LRP8: variants seen among roughly 807,000 people sequenced by gnomAD.
The protein encoded by LRP8 is LDL receptor related protein 8.
Under a neutral mutation model 111.6 loss-of-function variants are expected in LRP8, and 46 were observed. The ratio of observed to expected loss-of-function variants is 0.41; its 90% confidence interval spans 0.33 to 0.53. LRP8 has a LOEUF of 0.53. LRP8 is among the 20% of genes least tolerant of loss of function. The pLI, the probability that LRP8 is intolerant of heterozygous loss-of-function variation, is 0.20. For synonymous variants in LRP8, 464 were observed against 511.2 expected, an observed-to-expected ratio of 0.91 and a Z score of 1.24; for missense variants, 959 against 1,297.4, an observed-to-expected ratio of 0.74 and a Z score of 4.01.
intron 12 of LRP8, among the ~76,000 whole-genome samples, chr1:53,261,699 C>T (rs1226311123): frequency 6.6e-6 from 1 of 152,218 alleles, no homozygotes; most frequent in Non-Finnish European, 1.5e-5. Flanking sequence ...GCCATTTCCT[C>T]CAGTAAATGA....
At position 53,264,212 on chromosome 1, in the gene LRP8, T is replaced by C. The variant is rs776150532; in HGVS notation, c.1612A>G (p.Asn538Asp). The C allele has an allele frequency of 1.2e-6, 2 of 1,614,164 alleles. No homozygotes were observed. The change falls in exon 10 of 19, where the codon AAC becomes GAC. Residue 538 changes from asparagine (N) to aspartate (D), a missense_variant. Coordinates refer to ENST00000306052, the MANE Select transcript of LRP8 (RefSeq NM_004631.5). ...GGRRRTLFSR[N>D]LSEPRAIAVD... Reference sequence around the variant, plus strand: ...GCGATGGCCCGGGGTTCACTGAGGTTACGGCTGAAGAGAGTGCGTCGGCGG... The same window carrying C: ...GCGATGGCCCGGGGTTCACTGAGGTCACGGCTGAAGAGAGTGCGTCGGCGG...
chr1:53,279,672 T>C lies in LRP8; in HGVS notation c.496+915A>G, dbSNP rs1239255134. ...CCAGGAAAGATGGATAGGATGCAAA[T>C]ATAGAGGCTGGCAGAGGGGAGTAGG... is the stretch of plus-strand genomic sequence containing the variant. On this transcript the variant is annotated intron_variant, in intron 4 of 18. Transcript: ENST00000306052. This position sits in a 1 kb window ranked among gnomAD's most constrained non-coding sequence, Gnocchi z 4.4. Among the ~76,000 whole-genome samples the C allele has an allele frequency of 2.0e-5, 3 of 152,088 alleles. No individual in the cohort carries two copies. The highest frequency in any genetic ancestry group is 7.2e-5 in the African/African-American group (3 of 41,406).
chr1:53,270,887 C>T (rs1572496836), intron 8 of LRP8, 141 bp downstream of exon 8: 1 of 1,207,702 alleles, frequency 8.3e-7, no homozygotes, highest in East Asian at 2.4e-5. Context: ...AGACAAGGGA[C>T]CGAGGATTCC....
Position 53,255,122 on chromosome 1 carries a change from G to A in LRP8, c.2498C>T (p.Pro833Leu), listed in dbSNP as rs1265644023. ...VTAAVIGIIVPIVVIALLCMS... is the reference protein window; with the variant it reads ...VTAAVIGIIVLIVVIALLCMS... ...TGACTGGGGGCCACACTCACCTATG[G>A]GCACGATGATCCCGATAACAGCGGC... The change falls in exon 16 of 19, where the codon CCC becomes CTC. Residue 833 changes from proline (P) to leucine (L), a missense_variant. Around this residue, in one of 3 missense-constraint regions of LRP8, gnomAD observed 819 missense variants for 1,097.6 expected, o/e 0.75. Coordinates refer to ENST00000306052, the MANE Select transcript of LRP8 (RefSeq NM_004631.5). 1.2e-5 allele frequency: 19 copies of A among 1,613,320 alleles called. No homozygotes were observed. The highest frequency in any genetic ancestry group is 1.4e-5 in the Non-Finnish European group (17 of 1,179,874).
chr1:53,282,282 A>G (rs1165588359), intron 3 of LRP8, among the ~76,000 whole-genome samples: 2 of 152,212 alleles, frequency 1.3e-5, no homozygotes, highest in African/African-American at 4.8e-5. Flanking sequence ...TCATGAGTAC[A>G]GGGCAATCCC....
rs1645693620 is a variant in LRP8 at position 53,244,710 on chromosome 1, T to G, written c.*2308A>C. ...ATTTTTTTCTGTGAATGCCAGGATCTTACTGAAAGTTTAGAAACTATGCCT... is the reference window on the plus strand; with the variant it reads ...ATTTTTTTCTGTGAATGCCAGGATCGTACTGAAAGTTTAGAAACTATGCCT... On this transcript the variant is annotated 3_prime_UTR_variant, in exon 19 of 19. Transcript: ENST00000306052. 1 of 152,230 alleles carries G rather than the reference T, an allele frequency of 6.6e-6. No individual in the cohort carries two copies. Among genetic ancestry groups the G allele is most frequent in the Non-Finnish European group, 1.5e-5 (1 of 68,038 alleles). 9.4% of individuals were successfully genotyped at this position (152,230 alleles called of 1,614,324 possible). A position where few individuals can be genotyped will look rare whatever the true frequency, so the allele number is the denominator to read the frequency against.
At chr1:53,264,790 C>A (rs1646490178) in intron 9 of LRP8, among the ~76,000 whole-genome samples, 1 of 152,140 alleles carries the variant, frequency 6.6e-6, no homozygotes, top group Non-Finnish European at 1.5e-5. Flanking sequence ...GACAGAAAGC[C>A]ATTAGGGAAC....
At chr1:53,255,690 A>G (rs1005576550) in intron 15 of LRP8, among the ~76,000 whole-genome samples, 1 of 152,172 alleles carries the variant, frequency 6.6e-6, no homozygotes, top group Non-Finnish European at 1.5e-5. Flanking sequence ...AGTGTAGAGG[A>G]ATCAAAAGCG....
rs865957829 is a variant in LRP8, at chr1:53,317,476, G to A, written c.244+9397C>T. ...CTCCGACAGTCCCTCCCAGCCCGAG[G>A]AGCTGCTGTTCTCTCAGGCAGCCAA... On this transcript the variant is annotated intron_variant, in intron 2 of 18. Coordinates refer to ENST00000306052, the MANE Select transcript of LRP8 (RefSeq NM_004631.5). The surrounding 1 kb of genome is among the most constrained non-coding windows in gnomAD (Gnocchi z 4.9). Among the ~76,000 whole-genome samples the A allele has an allele frequency of 6.6e-6, 1 of 152,190 alleles. No individual in the cohort carries two copies. The highest frequency in any genetic ancestry group is 1.5e-5 in the Non-Finnish European group (1 of 68,024).
In LRP8 at chr1:53,327,749, A is replaced by G. The variant is rs758527563; in HGVS notation, c.124+40T>C. 2.4e-5 allele frequency: 34 copies of G among 1,446,200 alleles called. No individual in the cohort carries two copies. The Admixed American group carries it at 7.3e-4, about 31-fold the overall frequency. 89.6% of individuals were successfully genotyped at this position (1,446,200 alleles called of 1,614,324 possible). A position where few individuals can be genotyped will look rare whatever the true frequency, so the allele number is the denominator to read the frequency against. ...TCCCGGCCGCGCTTTGTTGGTGGCT[A>G]GGGCGGAGCAGAGCCGAGTCAGAGA... On this transcript the variant is annotated intron_variant, in intron 1 of 18. Coordinates refer to ENST00000306052, the MANE Select transcript of LRP8 (RefSeq NM_004631.5).
intron 1 of LRP8, 80 bp downstream of exon 1, chr1:53,327,709 C>G: frequency 6.6e-6 from 9 of 1,358,784 alleles, no homozygotes; most frequent in Non-Finnish European, 7.7e-6. Context: ...TTCTGGACCC[C>G]TCCCCGCTCC....
At chr1:53,327,460 C>A (rs1005922990) in intron 1 of LRP8, 2 of 268,818 alleles carry the variant, frequency 7.4e-6, no homozygotes, top group Non-Finnish European at 1.4e-5. Context: ...CCGCGGAGCG[C>A]GCGTGTCAAA....
chr1:53,258,231 C>A, intron 14 of LRP8, 88 bp downstream of exon 14: 1 of 1,359,650 alleles, frequency 7.4e-7, no homozygotes, highest in Non-Finnish European at 1.0e-6. Flanking sequence ...AAACCAGCAG[C>A]ATACTGTGTC....
intron 2 of LRP8, among the ~76,000 whole-genome samples, chr1:53,321,659 A>G (rs1273615932): frequency 6.6e-6 from 1 of 152,176 alleles, no homozygotes; most frequent in African/African-American, 2.4e-5. Flanking sequence ...GAAGAAGCCA[A>G]CCATCCCTGA....
intron 2 of LRP8, chr1:53,304,884 G>A: frequency 6.6e-6 from 1 of 152,596 alleles, no homozygotes; most frequent in Non-Finnish European, 1.5e-5. Context: ...TGGCATCCTG[G>A]CCCAGACCTC....
At chr1:53,309,671 G>A (rs1282715482) in intron 2 of LRP8, among the ~76,000 whole-genome samples, 1 of 152,152 alleles carries the variant, frequency 6.6e-6, no homozygotes, top group Non-Finnish European at 1.5e-5. Flanking sequence ...GTTTTTCAAT[G>A]ACTAAGGCAT....
chr1:53,264,334 T>C lies in LRP8; in HGVS notation c.1490A>G (p.His497Arg), dbSNP rs1460664358. 6.2e-7 allele frequency: 1 copy of C among 1,613,894 alleles called. No individual in the cohort carries two copies. The highest frequency in any genetic ancestry group is 1.1e-5 in the South Asian group (1 of 91,056). ...GTCCACTGCCAGGCCCTCTGGAGAGTGCAACTGCTCGTCAATGAGGACCTC... is the reference window on the plus strand; with the variant it reads ...GTCCACTGCCAGGCCCTCTGGAGAGCGCAACTGCTCGTCAATGAGGACCTC... ...EQEVLIDEQL[H>R]SPEGLAVDWV... The change falls in exon 10 of 19, where the codon CAC (histidine) becomes CGC (arginine). Residue 497 changes from histidine (H) to arginine (R), a missense_variant. His to Arg is a conservative substitution (Grantham distance 29). Around this residue, in one of 3 missense-constraint regions of LRP8, gnomAD observed 819 missense variants for 1,097.6 expected, o/e 0.75. Coordinates refer to ENST00000306052, the MANE Select transcript of LRP8 (RefSeq NM_004631.5).
intron 2 of LRP8, among the ~76,000 whole-genome samples, chr1:53,292,480 C>T (rs1648964599): frequency 1.3e-5 from 2 of 152,138 alleles, no homozygotes; most frequent in South Asian, 4.1e-4. Context: ...ATGATAGATG[C>T]GAATACCACC....
Position 53,262,090 on chromosome 1 carries a change from G to A in LRP8, c.1892C>T (p.Pro631Leu), listed in dbSNP as rs1646360177. ...LISSTDFLSHPFGIAVFEDKV... is the reference protein window; with the variant it reads ...LISSTDFLSHLFGIAVFEDKV... Reference sequence around the variant, plus strand: ...CACCTCAAACACAGCTATCCCAAAAGGGTGGCTCAGGAAGTCAGTGGAGGA... The same window carrying A: ...CACCTCAAACACAGCTATCCCAAAAAGGTGGCTCAGGAAGTCAGTGGAGGA... Residue 631 changes from proline to leucine, a missense_variant, in exon 12 of 19, where the codon CCT becomes CTT. By Grantham distance (98) the Pro-to-Leu change is moderately conservative. This residue lies in a region of LRP8 where 819 missense variants were observed against 1,097.6 expected (regional missense o/e 0.75). Transcript: ENST00000306052. This position sits in a 1 kb window ranked among gnomAD's most constrained non-coding sequence, Gnocchi z 4.8. 1 of 1,614,210 alleles carries A rather than the reference G, an allele frequency of 6.2e-7. No homozygotes were observed. Among genetic ancestry groups the A allele is most frequent in the East Asian group, 2.2e-5 (1 of 44,884 alleles).
Sources: gnomAD v4.1 joint callset for allele counts (sites outside exome capture counted in the v4.1 genomes callset) on GRCh38, gnomAD v4.1.1 for gene constraint, gnomAD v4.1.1 regional missense constraint, Gnocchi (gnomAD v3.1) non-coding constraint, MANE v1.5 for transcripts, NCBI Gene and HGNC (gene_info 2026-07-23, HGNC 2026-07-21) for gene names.